The following MAP7 variants were observed in gnomAD, a reference collection of about 807,000 sequenced individuals.
The protein encoded by MAP7 is microtubule associated protein 7.
Under a neutral mutation model 94.8 loss-of-function variants are expected in MAP7, and 52 were observed. That is an observed-to-expected ratio of 0.55 (90% CI 0.44 to 0.69). The LOEUF (loss-of-function observed/expected upper bound fraction) is 0.69. MAP7 is among the 30% of genes least tolerant of loss of function. The pLI is 0.00. For missense variants in MAP7, 940 were observed against 964.6 expected, an observed-to-expected ratio of 0.97 and a Z score of 0.34; for synonymous variants, 350 against 357.0, an observed-to-expected ratio of 0.98 and a Z score of 0.22.
At chr6:136,349,356 CAT>C (rs567771838) in intron 16 of MAP7, among the ~76,000 whole-genome samples, 88 of 151,910 alleles carry the variant, frequency 5.8e-4, no homozygotes, top group African/African-American at 2.0e-3. Context: ...TTATAAAATC[CAT>C]ATATGTTATT....
chr6:136,473,217 CA>C (rs972717346), intron 1 of MAP7, among the ~76,000 whole-genome samples: 5 of 152,138 alleles, frequency 3.3e-5, no homozygotes, highest in African/African-American at 1.2e-4. Context: ...CTATAGAAAC[CA>C]AAAACACATT....
intron 1 of MAP7, among the ~76,000 whole-genome samples, chr6:136,549,269 C>A (rs1338037351): frequency 1.3e-5 from 2 of 152,224 alleles, no homozygotes; most frequent in East Asian, 3.9e-4. Context: ...AAGTGGAAAA[C>A]AGCTTGCAAT....
chr6:136,362,311 G>C, intron 11 of MAP7, 139 bp downstream of exon 11: 1 of 1,148,798 alleles, frequency 8.7e-7, no homozygotes, highest in Middle Eastern at 3.0e-4. Flanking sequence ...GTAGTCATAG[G>C]AAAATTAGGT....
chr6:136,366,916 T>A (rs1471917125), intron 8 of MAP7, among the ~76,000 whole-genome samples: 1 of 152,212 alleles, frequency 6.6e-6, no homozygotes, highest in Non-Finnish European at 1.5e-5. Context: ...ATATTAGACA[T>A]AAACTCATTT....
chr6:136,402,683 G>T (rs1404790276), intron 3 of MAP7, among the ~76,000 whole-genome samples: 1 of 152,076 alleles, frequency 6.6e-6, no homozygotes, highest in African/African-American at 2.4e-5. Context: ...GAGGCCGGCG[G>T]ATCACGAGGT....
chr6:136,442,405 CAAAAAA>C (rs549791806), intron 1 of MAP7, among the ~76,000 whole-genome samples: 1 of 90,652 alleles, frequency 1.1e-5, no homozygotes. Context: ...ACTCTGTCTC[CAAAAAA>C]AAAAAAAAAA....
At chr6:136,505,275 G>GTGTA (rs1457209827) in intron 1 of MAP7, among the ~76,000 whole-genome samples, 1 of 69,154 alleles carries the variant, frequency 1.4e-5, no homozygotes, top group African/African-American at 5.9e-5. Context: ...GTGTGTGTGT[G>GTGTA]TGTATATATA....
At chr6:136,461,230 A>G (rs1805100080) in intron 1 of MAP7, among the ~76,000 whole-genome samples, 3 of 152,166 alleles carry the variant, frequency 2.0e-5, no homozygotes, top group Non-Finnish European at 4.4e-5. Context: ...TTGCTTAGTT[A>G]TTGATGATTT....
chr6:136,452,706 C>T (rs1175279420), intron 1 of MAP7, among the ~76,000 whole-genome samples: 1 of 152,082 alleles, frequency 6.6e-6, no homozygotes, highest in African/African-American at 2.4e-5. Flanking sequence ...GTGCACACCA[C>T]CATGCTCAGC....
intron 7 of MAP7, 152 bp from the exon 8 acceptor site, chr6:136,372,777 T>A: frequency 1.2e-6 from 1 of 849,824 alleles, no homozygotes; most frequent in South Asian, 1.7e-5. Flanking sequence ...TGTTATTACC[T>A]AAAGGTGCCC....
chr6:136,404,052 CCCT>C lies in MAP7; in HGVS notation c.244+7565_244+7567del, dbSNP rs111790305. On this transcript the variant is annotated intron_variant, in intron 3 of 17. Coordinates refer to ENST00000354570, the MANE Select transcript of MAP7 (RefSeq NM_003980.6). ...TTACTTCCCTAAAGCCTCCTCTGACCCCTTTTTTTTTCCTGGACAGTCTCTAAA... is the reference window on the plus strand; with the variant it reads ...TTACTTCCCTAAAGCCTCCTCTGACCTTTTTTTTCCTGGACAGTCTCTAAA... 3.5e-3 allele frequency among the ~76,000 whole-genome samples: 539 copies of C among 152,290 alleles called. 3 individuals carry two copies. Among genetic ancestry groups the C allele is most frequent in the African/African-American group, 0.012 (503 of 41,564 alleles).
chr6:136,470,519 C>A, intron 1 of MAP7, among the ~76,000 whole-genome samples: 1 of 151,906 alleles, frequency 6.6e-6, no homozygotes, highest in East Asian at 1.9e-4. Flanking sequence ...TCAAAGTATA[C>A]GATATAGCAT....
intron 1 of MAP7, among the ~76,000 whole-genome samples, chr6:136,514,115 T>A (rs1341783374): frequency 1.3e-5 from 2 of 152,164 alleles, no homozygotes; most frequent in African/African-American, 4.8e-5. Context: ...CAATGGTGAA[T>A]CCTTTCCAGA....
chr6:136,440,029 G>T (rs1386796405), intron 1 of MAP7, among the ~76,000 whole-genome samples: 2 of 152,188 alleles, frequency 1.3e-5, no homozygotes, highest in South Asian at 4.1e-4. Context: ...AGCTGGGCAG[G>T]TTAGCTTGGT....
rs1007982824 is a variant in MAP7 at position 136,343,165 on chromosome 6, T to C, written c.*1063A>G. 1 of 152,582 alleles carries C rather than the reference T, an allele frequency of 6.6e-6. No individual in the cohort carries two copies. The highest frequency in any genetic ancestry group is 2.4e-5 in the African/African-American group (1 of 41,434). The allele number at this position is 152,582 out of a possible 1,614,324, so 9.5% of individuals were successfully genotyped here. On this transcript the variant is annotated 3_prime_UTR_variant, in exon 18 of 18. Coordinates refer to ENST00000354570, the MANE Select transcript of MAP7 (RefSeq NM_003980.6). The stretch of plus-strand genomic sequence containing the variant: ...GTACAGCTAGGCTCAGCAGCAAAAG[T>C]GAAGAATAAGAATGAAAGGTGAAAA...
chr6:136,526,490 C>T (rs1218267450), intron 1 of MAP7: 3 of 985,600 alleles, frequency 3.0e-6, no homozygotes, highest in Non-Finnish European at 3.6e-6. Context: ...TTAACAGTTG[C>T]CCTGACAACC....
At chr6:136,416,901 C>T (rs553355155) in intron 2 of MAP7, among the ~76,000 whole-genome samples, 27 of 152,170 alleles carry the variant, frequency 1.8e-4, no homozygotes, top group African/African-American at 5.3e-4. Context: ...TGCTTGAGTC[C>T]AGGAGTTTGA....
chr6:136,452,559 AT>A (rs1290892814), intron 1 of MAP7, among the ~76,000 whole-genome samples: 24 of 148,160 alleles, frequency 1.6e-4, no homozygotes, highest in African/African-American at 3.2e-4. Flanking sequence ...TTTTTTTTTA[AT>A]TTTTTTTTTT....
At chr6:136,533,019 T>C (rs1828593853) in intron 1 of MAP7, among the ~76,000 whole-genome samples, 1 of 152,206 alleles carries the variant, frequency 6.6e-6, no homozygotes, top group South Asian at 2.1e-4. Flanking sequence ...ATGCCTGTAA[T>C]CCCAGCACTT....
Sources: gnomAD v4.1 joint callset for allele counts (sites outside exome capture counted in the v4.1 genomes callset) on GRCh38, gnomAD v4.1.1 for gene constraint, MANE v1.5 for transcripts, NCBI Gene and HGNC (gene_info 2026-07-23, HGNC 2026-07-21) for gene names.